The following CRACDL variants were observed in gnomAD, a reference collection of about 807,000 sequenced individuals.
CRACDL encodes the protein CRACD like, also known as CRACD-like protein.
Under a neutral mutation model 70.6 loss-of-function variants are expected in CRACDL, and 26 were observed. The ratio of observed to expected loss-of-function variants is 0.37; its 90% CI spans 0.27 to 0.51. The LOEUF is 0.51. Ranked by LOEUF, CRACDL falls within the 20% of genes least tolerant of loss-of-function variation. The pLI is 0.94. For missense variants in CRACDL, 1,283 were observed against 1,376.9 expected (o/e 0.93, Z 1.08); for synonymous variants, 618 against 615.2 (o/e 1.00, Z -0.07).
chr2:98,887,538 C>G (rs756228036), intron 1 of CRACDL, among the ~76,000 whole-genome samples: 2 of 152,024 alleles, frequency 1.3e-5, no homozygotes, highest in Non-Finnish European at 2.9e-5. Context: ...ACTGAGCATA[C>G]AACGTGTACA....
chr2:98,824,675 G>T (rs1189427067), intron 6 of CRACDL, among the ~76,000 whole-genome samples: 1 of 152,130 alleles, frequency 6.6e-6, no homozygotes, highest in Non-Finnish European at 1.5e-5. Flanking sequence ...TCTAAAGCAG[G>T]AACTGTGACA....
chr2:98,922,790 G>A (rs1009534348), intron 1 of CRACDL, among the ~76,000 whole-genome samples: 1 of 152,214 alleles, frequency 6.6e-6, no homozygotes, highest in Non-Finnish European at 1.5e-5. Flanking sequence ...AGGGGCCTGG[G>A]ATGTCTCATG....
At chr2:98,813,673 A>C (rs1314969393) in intron 7 of CRACDL, among the ~76,000 whole-genome samples, 1 of 152,086 alleles carries the variant, frequency 6.6e-6, no homozygotes, top group African/African-American at 2.4e-5. Flanking sequence ...TATAGTATAC[A>C]GAGAGTCTAT....
Position 98,822,423 on chromosome 2 carries a change from TG to T in CRACDL, c.1849del (p.Gln617ArgfsTer87). 6.7e-7 allele frequency: 1 copy of T among 1,484,112 alleles called. No individual in the cohort carries two copies. Among genetic ancestry groups the T allele is most frequent in the East Asian group, 2.9e-5 (1 of 34,604 alleles). The allele number at this position is 1,484,112 out of a possible 1,614,324, so 91.9% of individuals were successfully genotyped here. Reference protein sequence around the residue: ...WRSEAALDDLQGLPEPQHAKP... With the variant: ...WRSEAALDDLXGLPEPQHAKP... ...CGCGTGCTGGGGCTCGGGGAGACCC[TG>T]GAGGTCGTCAAGAGCCGCCTCGCTC... On this transcript the variant is annotated frameshift_variant, in exon 7 of 10. Coordinates refer to ENST00000397899, the MANE Select transcript of CRACDL (RefSeq NM_207362.3). LOFTEE classifies it high-confidence loss of function. The surrounding 1 kb of genome is among the most constrained non-coding windows in gnomAD (Gnocchi z 4.9).
intron 2 of CRACDL, among the ~76,000 whole-genome samples, chr2:98,844,517 C>T (rs773151177): frequency 6.6e-6 from 1 of 152,114 alleles, no homozygotes; most frequent in African/African-American, 2.4e-5. Context: ...AGGAGCCCAC[C>T]CTATTCCAAT....
intron 2 of CRACDL, among the ~76,000 whole-genome samples, chr2:98,845,248 G>A (rs559831705): frequency 6.0e-5 from 9 of 150,202 alleles, no homozygotes; most frequent in East Asian, 2.0e-4. Flanking sequence ...CCAGGCTGGA[G>A]TGCAGTGGCA....
In CRACDL at chr2:98,819,510, T is replaced by C. The variant is rs907591459; in HGVS notation, c.2416+2347A>G. 6.6e-5 allele frequency among the ~76,000 whole-genome samples: 10 copies of C among 152,356 alleles called. No individual in the cohort carries two copies. In the East Asian group the frequency reaches 1.9e-3, roughly 29 times the overall value. ...CTTCCTCCAGATTCCGCACTGATTATCCTACTGCAGTGGCAGCAGCAACAC... is the reference window on the plus strand; with the variant it reads ...CTTCCTCCAGATTCCGCACTGATTACCCTACTGCAGTGGCAGCAGCAACAC... On this transcript the variant is annotated intron_variant, in intron 7 of 9. Coordinates refer to ENST00000397899, the MANE Select transcript of CRACDL (RefSeq NM_207362.3).
chr2:98,809,340 C>T (rs781289793), intron 7 of CRACDL, among the ~76,000 whole-genome samples: 1 of 152,008 alleles, frequency 6.6e-6, no homozygotes, highest in Non-Finnish European at 1.5e-5. Context: ...GTTGTGACCG[C>T]TTCTCATTGT....
At chr2:98,881,831 G>A (rs759505066) in intron 1 of CRACDL, among the ~76,000 whole-genome samples, 1 of 152,138 alleles carries the variant, frequency 6.6e-6, no homozygotes, top group African/African-American at 2.4e-5. Context: ...CTCTGAAGTT[G>A]ATCCAGTCCA....
intron 1 of CRACDL, among the ~76,000 whole-genome samples, chr2:98,870,790 G>A (rs931628812): frequency 6.6e-6 from 1 of 152,238 alleles, no homozygotes; most frequent in Non-Finnish European, 1.5e-5. Flanking sequence ...CTCTGGGCAT[G>A]TGACCTGCCC....
chr2:98,922,428 G>C (rs1440227771), intron 1 of CRACDL, among the ~76,000 whole-genome samples: 1 of 132,360 alleles, frequency 7.6e-6, no homozygotes, highest in Non-Finnish European at 1.6e-5. Context: ...AACAGAGCAA[G>C]ACTCCGTCTC....
intron 7 of CRACDL, among the ~76,000 whole-genome samples, chr2:98,811,241 G>A (rs1704543387): frequency 6.6e-6 from 1 of 151,840 alleles, no homozygotes; most frequent in Non-Finnish European, 1.5e-5. Flanking sequence ...GCCGGGCATG[G>A]TGGCTCATGC....
chr2:98,861,461 C>T (rs370187670), intron 1 of CRACDL, among the ~76,000 whole-genome samples: 1 of 152,120 alleles, frequency 6.6e-6, no homozygotes, highest in African/African-American at 2.4e-5. Context: ...GAAACTGGAG[C>T]CTTCATTCAT....
intron 1 of CRACDL, among the ~76,000 whole-genome samples, chr2:98,855,071 C>T (rs528200509): frequency 2.6e-5 from 4 of 152,262 alleles, no homozygotes; most frequent in African/African-American, 4.8e-5. Context: ...AGGTGGATCA[C>T]GAGTTCAAGA....
At chr2:98,811,504 G>A (rs1323208716) in intron 7 of CRACDL, among the ~76,000 whole-genome samples, 6 of 121,052 alleles carry the variant, frequency 5.0e-5, no homozygotes, top group African/African-American at 6.6e-5. Context: ...GTGACAGAGC[G>A]AGACTCTGTC....
intron 1 of CRACDL, among the ~76,000 whole-genome samples, chr2:98,861,356 A>T (rs566383507): frequency 1.3e-5 from 2 of 152,252 alleles, no homozygotes; most frequent in South Asian, 2.1e-4. Flanking sequence ...CAACAACAAC[A>T]ACAACAACAA....
chr2:98,898,661 C>T (rs1466948676), intron 1 of CRACDL, among the ~76,000 whole-genome samples: 5 of 152,138 alleles, frequency 3.3e-5, no homozygotes, highest in African/African-American at 2.4e-5. Flanking sequence ...GCAGGGCCCA[C>T]GATGCCCTGA....
intron 1 of CRACDL, among the ~76,000 whole-genome samples, chr2:98,850,925 T>C (rs1432305757): frequency 6.6e-6 from 1 of 152,160 alleles, no homozygotes; most frequent in African/African-American, 2.4e-5. Flanking sequence ...TTAATCCACA[T>C]AAAGAATGAG....
intron 5 of CRACDL, 98 bp downstream of exon 5, chr2:98,832,250 C>T (rs917322911): frequency 6.7e-6 from 9 of 1,343,210 alleles, no homozygotes; most frequent in Admixed American, 1.7e-5. Flanking sequence ...CCATGCACAG[C>T]CTGGAGATCT....
Sources: gnomAD v4.1 joint callset for allele counts (sites outside exome capture counted in the v4.1 genomes callset) on GRCh38, gnomAD v4.1.1 for gene constraint, Gnocchi (gnomAD v3.1) non-coding constraint, MANE v1.5 for transcripts, NCBI Gene and HGNC (gene_info 2026-07-23, HGNC 2026-07-21) for gene names.